The following FBXO34 variants were observed in gnomAD, a reference collection of about 807,000 sequenced individuals.
FBXO34 encodes F-box only protein 34.
FBXO34 carries 12 observed loss-of-function variants against 24.5 expected under a neutral mutation model. The observed-to-expected ratio is 0.49, with a 90% confidence interval of 0.31 to 0.79. The LOEUF (loss-of-function observed/expected upper bound fraction) is 0.79. FBXO34 is among the 30% of genes least tolerant of loss of function. The pLI is 0.04. For missense variants in FBXO34, 823 were observed against 857.7 expected (o/e 0.96, Z 0.51); for synonymous variants, 320 against 311.9 (o/e 1.03, Z -0.27).
At chr14:55,412,074 A>C in the FBXO34 span, among the ~76,000 whole-genome samples, 1 of 152,252 alleles carries the variant, frequency 6.6e-6, no homozygotes, top group South Asian at 2.1e-4. Context: ...GGCTCAGGCC[A>C]AGACTACGAG....
downstream of FBXO34, among the ~76,000 whole-genome samples, chr14:55,365,241 A>AAC (rs1555340818): frequency 1.6e-4 from 24 of 145,670 alleles, no homozygotes; most frequent in Admixed American, 4.1e-4. Context: ...AAAAAAAAAA[A>AAC]AAAACAAAAA....
chr14:55,328,335 T>A (rs1372299805), intron 1 of FBXO34, among the ~76,000 whole-genome samples: 7 of 152,194 alleles, frequency 4.6e-5, no homozygotes, highest in African/African-American at 1.7e-4. Context: ...CTTTGGCATA[T>A]GTGAATTGGC....
chr14:55,394,840 C>T, the FBXO34 span: 12 of 310,328 alleles, frequency 3.9e-5, 1 homozygote, highest in South Asian at 2.0e-4. Flanking sequence ...CCCCCAACTA[C>T]GGAATGCTAA....
the FBXO34 span, among the ~76,000 whole-genome samples, chr14:55,439,618 C>CCCCCCCCCCCCCCT: frequency 1.7e-5 from 1 of 60,240 alleles, no homozygotes; most frequent in Non-Finnish European, 3.2e-5. Flanking sequence ...AAGCAAACCC[C>CCCCCCCCCCCCCCT]CCCCCGTCTC....
chr14:55,420,164 A>G, the FBXO34 span, among the ~76,000 whole-genome samples: 1 of 152,170 alleles, frequency 6.6e-6, no homozygotes, highest in Non-Finnish European at 1.5e-5. Context: ...TCCGCCTCCC[A>G]GGTTCAAGCG....
chr14:55,438,512 C>T, the FBXO34 span, among the ~76,000 whole-genome samples: 3 of 152,112 alleles, frequency 2.0e-5, no homozygotes, highest in Admixed American at 6.5e-5. Flanking sequence ...AGGGTCTCCT[C>T]CCGCAATTTA....
intron 1 of FBXO34, among the ~76,000 whole-genome samples, chr14:55,284,081 C>T (rs1881667076): frequency 6.6e-6 from 1 of 152,026 alleles, no homozygotes; most frequent in South Asian, 2.1e-4. Flanking sequence ...TTACTGCAGC[C>T]TCAGACTCCT....
At chr14:55,371,640 T>A (rs924088222), downstream of FBXO34, among the ~76,000 whole-genome samples, 2 of 151,952 alleles carry the variant, frequency 1.3e-5, no homozygotes, top group African/African-American at 4.8e-5. Context: ...CTGTCTCTAC[T>A]AAAAATACAA....
intron 1 of FBXO34, among the ~76,000 whole-genome samples, chr14:55,341,521 C>T (rs150403233): frequency 0.012 from 1,816 of 152,254 alleles, 14 homozygotes; most frequent in Non-Finnish European, 0.02. Context: ...TATTTTCCTT[C>T]AGTTTCTGTA....
At chr14:55,294,565 G>T (rs966255019) in intron 1 of FBXO34, among the ~76,000 whole-genome samples, 2 of 152,162 alleles carry the variant, frequency 1.3e-5, no homozygotes, top group African/African-American at 4.8e-5. Flanking sequence ...TTTGCTATAT[G>T]TGTGAAGAGA....
the FBXO34 span, chr14:55,437,054 A>G: frequency 2.6e-6 from 4 of 1,558,128 alleles, no homozygotes; most frequent in Admixed American, 1.7e-5. Flanking sequence ...CAAAAACACA[A>G]CAGACAGAAC....
chr14:55,437,323 C>T, the FBXO34 span, among the ~76,000 whole-genome samples: 1 of 152,206 alleles, frequency 6.6e-6, no homozygotes, highest in Non-Finnish European at 1.5e-5. Context: ...ACTAAAAATG[C>T]AAAAATTAGC....
chr14:55,434,266 G>T, the FBXO34 span, among the ~76,000 whole-genome samples: 1 of 152,178 alleles, frequency 6.6e-6, no homozygotes, highest in Non-Finnish European at 1.5e-5. Flanking sequence ...TGATGTCAAG[G>T]TTCTTGCCTC....
chr14:55,336,990 T>A (rs973916525), intron 1 of FBXO34, among the ~76,000 whole-genome samples: 12 of 151,010 alleles, frequency 7.9e-5, no homozygotes, highest in African/African-American at 2.7e-4. Context: ...TTTTTTTTTT[T>A]TTTTTGAGAC....
At chr14:55,281,409 G>GT (rs1031998022) in intron 1 of FBXO34, among the ~76,000 whole-genome samples, 3 of 148,966 alleles carry the variant, frequency 2.0e-5, no homozygotes, top group African/African-American at 5.2e-5. Flanking sequence ...TCTCTATGAC[G>GT]TTTTTTTATA....
chr14:55,340,724 G>A lies in FBXO34; in HGVS notation c.-10-9657G>A, dbSNP rs73265831. On this transcript the variant is annotated intron_variant, in intron 1 of 1. Transcript: ENST00000313833. ...TGTGTGTGTGGTGGCAGATGTGTGC[G>A]GTGTCAGGTTGCATTTATACTCTAG... Among the ~76,000 whole-genome samples the A allele has an allele frequency of 9.3e-3, 1,420 of 152,170 alleles. 32 individuals carry two copies. The highest frequency in any genetic ancestry group is 0.033 in the African/African-American group (1,371 of 41,516).
chr14:55,369,564 G>A (rs193223490), downstream of FBXO34: 34 of 1,391,950 alleles, frequency 2.4e-5, no homozygotes, highest in Admixed American at 4.4e-4. Context: ...TTACTAGAGT[G>A]TAGTGGGAGA....
the FBXO34 span, among the ~76,000 whole-genome samples, chr14:55,385,344 G>A: frequency 2.0e-5 from 3 of 152,106 alleles, no homozygotes; most frequent in Admixed American, 6.5e-5. Flanking sequence ...CCAGGCTGGA[G>A]TGCAGTGACA....
At chr14:55,418,120 C>T in the FBXO34 span, among the ~76,000 whole-genome samples, 1 of 152,100 alleles carries the variant, frequency 6.6e-6, no homozygotes, top group Non-Finnish European at 1.5e-5. Context: ...ATGGCTAGTC[C>T]AAGTACACAT....
Sources: gnomAD v4.1 joint callset for allele counts (sites outside exome capture counted in the v4.1 genomes callset) on GRCh38, gnomAD v4.1.1 for gene constraint, MANE v1.5 for transcripts, NCBI Gene and HGNC (gene_info 2026-07-23, HGNC 2026-07-21) for gene names.